Variants in ANO1 observed in about 807,000 individuals in gnomAD.
ANO1 encodes the protein anoctamin-1.
A neutral mutation model predicts 124.0 loss-of-function variants in ANO1; 59 were observed. That is an observed-to-expected ratio of 0.48 (90% CI 0.39 to 0.59). The LOEUF is 0.59. Ranked by LOEUF, ANO1 falls within the 20% of genes least tolerant of loss-of-function variation. The pLI is 0.00. For missense variants in ANO1, 1,059 were observed against 1,328.0 expected, an observed-to-expected ratio of 0.80 and a Z score of 3.15; for synonymous variants, 529 against 532.0, an observed-to-expected ratio of 0.99 and a Z score of 0.08.
chr11:70,070,937 G>T (rs564528563), intron 1 of ANO1, among the ~76,000 whole-genome samples: 1 of 152,244 alleles, frequency 6.6e-6, no homozygotes, highest in African/African-American at 2.4e-5. Context: ...CTGCTCCCCA[G>T]CGCTGCCAGC....
chr11:69,991,614 G>A (rs1437585180), intron 1 of ANO1, among the ~76,000 whole-genome samples: 2 of 152,248 alleles, frequency 1.3e-5, no homozygotes, highest in Non-Finnish European at 2.9e-5. Context: ...ATATTGTGAT[G>A]TAAATAACTG....
intron 2 of ANO1, among the ~76,000 whole-genome samples, chr11:70,094,495 G>T (rs572916421): frequency 1.4e-4 from 22 of 152,318 alleles, no homozygotes; most frequent in African/African-American, 5.3e-4. Flanking sequence ...CAGCTCATCA[G>T]CACAAATAAA....
intron 1 of ANO1, among the ~76,000 whole-genome samples, chr11:70,005,253 C>T (rs1249054681): frequency 1.3e-5 from 2 of 152,178 alleles, no homozygotes; most frequent in Non-Finnish European, 2.9e-5. Flanking sequence ...CAAATCCCCT[C>T]ACAGATTGAT....
chr11:70,158,757 C>T (rs574898984), intron 16 of ANO1, among the ~76,000 whole-genome samples: 80 of 152,260 alleles, frequency 5.3e-4, no homozygotes, highest in African/African-American at 1.8e-3. Flanking sequence ...GTAAGAGGGA[C>T]GCTGGCCGAC....
chr11:70,140,252 G>T (rs942804709), intron 11 of ANO1, among the ~76,000 whole-genome samples: 28 of 152,248 alleles, frequency 1.8e-4, no homozygotes, highest in African/African-American at 6.5e-4. Context: ...AGGAGTGGCC[G>T]GGCTCAGTGA....
chr11:70,119,001 A>T (rs1410211746), intron 8 of ANO1, among the ~76,000 whole-genome samples: 1 of 139,160 alleles, frequency 7.2e-6, no homozygotes, highest in African/African-American at 2.7e-5. Flanking sequence ...GGAGGAATTA[A>T]TGATAGATGA....
At chr11:70,144,225 AGG>A (rs1565244954) in intron 11 of ANO1, among the ~76,000 whole-genome samples, 4 of 152,218 alleles carry the variant, frequency 2.6e-5, no homozygotes, top group Non-Finnish European at 4.4e-5. Flanking sequence ...GAGCCTCTCA[AGG>A]GGACACGTGG....
At chr11:70,035,436 TC>T (rs1162517433) in intron 1 of ANO1, among the ~76,000 whole-genome samples, 1 of 152,128 alleles carries the variant, frequency 6.6e-6, no homozygotes, top group Non-Finnish European at 1.5e-5. Context: ...GTAGATTATT[TC>T]TTCTTTCTAT....
At chr11:70,164,498 TC>T (rs1407824955) in intron 19 of ANO1, among the ~76,000 whole-genome samples, 3 of 152,136 alleles carry the variant, frequency 2.0e-5, no homozygotes, top group Non-Finnish European at 2.9e-5. Context: ...GGTCAGAAAG[TC>T]ATATAATAAA....
chr11:70,126,831 A>G (rs2046534362), intron 10 of ANO1, among the ~76,000 whole-genome samples: 3 of 136,040 alleles, frequency 2.2e-5, no homozygotes, highest in East Asian at 2.4e-4. Flanking sequence ...TGGTGCTCCC[A>G]GGAGGTGAGA....
chr11:70,087,791 A>C lies in ANO1; in HGVS notation c.148A>C (p.Lys50Gln). 1 of 1,610,974 alleles carries C rather than the reference A, an allele frequency of 6.2e-7. No individual in the cohort carries two copies. Among genetic ancestry groups the C allele is most frequent in the Non-Finnish European group, 8.5e-7 (1 of 1,178,750 alleles). Residue 50 changes from lysine to glutamine, a missense_variant, in exon 2 of 26, where the codon AAG becomes CAG. Physicochemically the swap from Lys to Gln is moderately conservative, Grantham distance 53. This residue lies in a region of ANO1 where 250 missense variants were observed against 233.1 expected (regional missense o/e 1.07). Transcript: ENST00000355303. ...ATCTGTGGACCCTGATGCCGAGTGC[A>C]AGTATGGCCTGTACTTCAGGGACGG... ...SLSVDPDAEC[K>Q]YGLYFRDGRR...
At chr11:70,060,601 GA>G (rs146369891) in intron 1 of ANO1, among the ~76,000 whole-genome samples, 2,011 of 152,310 alleles carry the variant, frequency 0.013, 17 homozygotes, top group Non-Finnish European at 0.016. Flanking sequence ...CAATAAATGT[GA>G]AAGGTGTGAG....
At chr11:70,137,966 G>T (rs752293222) in intron 11 of ANO1, among the ~76,000 whole-genome samples, 1 of 147,798 alleles carries the variant, frequency 6.8e-6, no homozygotes, top group Non-Finnish European at 1.5e-5. Context: ...GTAGCCTTGG[G>T]TCCTAGGAGA....
At chr11:70,181,729 C>G (rs1236751967) in intron 23 of ANO1, among the ~76,000 whole-genome samples, 1 of 152,028 alleles carries the variant, frequency 6.6e-6, no homozygotes, top group Non-Finnish European at 1.5e-5. Flanking sequence ...GAATTCAAGA[C>G]CAGCCTGGCC....
chr11:69,981,151 C>T (rs921007035), upstream of ANO1, among the ~76,000 whole-genome samples: 1 of 152,196 alleles, frequency 6.6e-6, no homozygotes, highest in East Asian at 1.9e-4. Flanking sequence ...ATGAATCTGG[C>T]TCAAACCAGG....
intron 8 of ANO1, among the ~76,000 whole-genome samples, chr11:70,119,588 G>A (rs2046163630): frequency 6.7e-6 from 1 of 150,322 alleles, no homozygotes; most frequent in Non-Finnish European, 1.5e-5. Context: ...TAGATGGGTG[G>A]CTGATGGAAA....
At chr11:70,164,948 G>C (rs2048194246) in intron 19 of ANO1, among the ~76,000 whole-genome samples, 1 of 152,252 alleles carries the variant, frequency 6.6e-6, no homozygotes, top group East Asian at 1.9e-4. Flanking sequence ...GCCTGTAGGC[G>C]GAGTGTGTCC....
At chr11:70,130,171 G>A (rs1384549195) in intron 10 of ANO1, among the ~76,000 whole-genome samples, 1 of 152,330 alleles carries the variant, frequency 6.6e-6, no homozygotes, top group Admixed American at 6.5e-5. Context: ...TGTGTACTTA[G>A]AGCCCAGAGC....
chr11:70,101,907 C>T (rs574751027), intron 2 of ANO1, among the ~76,000 whole-genome samples: 30 of 152,302 alleles, frequency 2.0e-4, no homozygotes, highest in African/African-American at 6.5e-4. Flanking sequence ...AGGACCAAGG[C>T]CCCCACTGCC....
Sources: gnomAD v4.1 joint callset for allele counts (sites outside exome capture counted in the v4.1 genomes callset) on GRCh38, gnomAD v4.1.1 for gene constraint, gnomAD v4.1.1 regional missense constraint, MANE v1.5 for transcripts, NCBI Gene and HGNC (gene_info 2026-07-23, HGNC 2026-07-21) for gene names.